The following ATXN10 variants were observed in gnomAD, a reference collection of about 807,000 sequenced individuals.
ATXN10 encodes the protein ataxin-10.
ATXN10 carries 28 observed loss-of-function variants against 52.9 expected under a neutral mutation model. That is an observed-to-expected ratio of 0.53 (90% confidence interval 0.39 to 0.73). The LOEUF is 0.73. ATXN10 is among the 30% of genes least tolerant of loss of function. The pLI, the probability that ATXN10 is intolerant of heterozygous loss-of-function variation, is 0.00. For missense variants in ATXN10, 565 were observed against 577.0 expected, an observed-to-expected ratio of 0.98 and a Z score of 0.21; for synonymous variants, 226 against 221.5, an observed-to-expected ratio of 1.02 and a Z score of -0.18.
At position 45,766,044 on chromosome 22, in the gene ATXN10, C is replaced by T. The variant is rs1380737385; in HGVS notation, c.1173+25506C>T. On this transcript the variant is annotated intron_variant, in intron 9 of 11. Transcript: ENST00000252934. This position sits in a 1 kb window ranked among gnomAD's most constrained non-coding sequence, Gnocchi z 4.6. ...AAGGGGCTGACAGGCTAATGGGGCA[C>T]AGTAGAAAAATGCAGAAATAGATTC... Among the ~76,000 whole-genome samples the T allele has an allele frequency of 6.6e-6, 1 of 152,074 alleles. No homozygotes were observed. Among genetic ancestry groups the T allele is most frequent in the Non-Finnish European group, 1.5e-5 (1 of 68,022 alleles).
Position 45,770,054 on chromosome 22 carries a change from A to G in ATXN10, c.1173+29516A>G, listed in dbSNP as rs780790820. 1.4e-4 allele frequency among the ~76,000 whole-genome samples: 21 copies of G among 152,184 alleles called. No homozygotes were observed. Among genetic ancestry groups the G allele is most frequent in the Admixed American group, 2.6e-4 (4 of 15,284 alleles). On this transcript the variant is annotated intron_variant, in intron 9 of 11. Transcript: ENST00000252934. This position sits in a 1 kb window ranked among gnomAD's most constrained non-coding sequence, Gnocchi z 4.5. ...AAGAAGGGCGGCTTAGGGTTTCTAG[A>G]CCAGTAATGGCTACTGTTTCTTGAG...
intron 9 of ATXN10, among the ~76,000 whole-genome samples, chr22:45,758,812 A>G (rs1926271980): frequency 6.6e-6 from 1 of 152,214 alleles, no homozygotes. Flanking sequence ...TCTCGTTTAT[A>G]ACAGCCTGAG....
In ATXN10 at chr22:45,775,405, G is replaced by A. The variant is rs1003882254; in HGVS notation, c.1174-31554G>A. Among the ~76,000 whole-genome samples the A allele has an allele frequency of 3.9e-5, 6 of 152,166 alleles. No individual in the cohort carries two copies. The highest frequency in any genetic ancestry group is 1.4e-4 in the African/African-American group (6 of 41,434). ...AGTTGGAAAACACAAACATTGTGAG[G>A]GTTTGTAGAACGGGTGGGTGCTTGC... On this transcript the variant is annotated intron_variant, in intron 9 of 11. Coordinates refer to ENST00000252934, the MANE Select transcript of ATXN10 (RefSeq NM_013236.4). This position sits in a 1 kb window ranked among gnomAD's most constrained non-coding sequence, Gnocchi z 4.7.
chr22:45,729,345 A>G (rs1924995159), intron 6 of ATXN10, 80 bp from the exon 7 acceptor site: 1 of 1,405,600 alleles, frequency 7.1e-7, no homozygotes, highest in South Asian at 1.2e-5. Context: ...ATATTCCCTT[A>G]AAGTTGCTTT....
intron 9 of ATXN10, among the ~76,000 whole-genome samples, chr22:45,755,154 C>T (rs1233692684): frequency 6.6e-6 from 1 of 152,202 alleles, no homozygotes; most frequent in African/African-American, 2.4e-5. Flanking sequence ...ACTTCCTGTG[C>T]CTGCACAGTG....
intron 9 of ATXN10, among the ~76,000 whole-genome samples, chr22:45,756,760 T>A (rs958001459): frequency 3.3e-5 from 5 of 152,194 alleles, no homozygotes; most frequent in African/African-American, 1.2e-4. Flanking sequence ...TGCACTTAGC[T>A]CATATTACTC....
At chr22:45,821,633 T>C (rs927655444) in intron 10 of ATXN10, among the ~76,000 whole-genome samples, 2 of 152,196 alleles carry the variant, frequency 1.3e-5, no homozygotes, top group Non-Finnish European at 2.9e-5. Context: ...CCTCATGGTG[T>C]CTTATTTCAT....
At chr22:45,687,717 CT>C (rs761854401) in intron 1 of ATXN10, among the ~76,000 whole-genome samples, 86 of 152,294 alleles carry the variant, frequency 5.6e-4, no homozygotes, top group Non-Finnish European at 1.0e-3. Context: ...ATTTTCTTAG[CT>C]GATGAGTGTC....
rs1923280573 is a variant in ATXN10 at position 45,689,463 on chromosome 22, G to A, written c.117-249G>A. ...ACTTACCTTATCTGTAAATGGAGAG[G>A]ACAGTGTTGGCCTCATAAGGCTGTT... On this transcript the variant is annotated intron_variant, in intron 1 of 11. Coordinates refer to ENST00000252934, the MANE Select transcript of ATXN10 (RefSeq NM_013236.4). 3.4e-5 allele frequency: 18 copies of A among 531,972 alleles called. No individual in the cohort carries two copies. In the South Asian group the frequency reaches 3.5e-4, roughly 10 times the overall value. The allele number at this position is 531,972 out of a possible 1,614,324, so 33.0% of individuals were successfully genotyped here. A position where few individuals can be genotyped will look rare whatever the true frequency, so the allele number is the denominator to read the frequency against.
At chr22:45,829,024 A>G (rs1760596278) in intron 10 of ATXN10, among the ~76,000 whole-genome samples, 1 of 152,218 alleles carries the variant, frequency 6.6e-6, no homozygotes, top group South Asian at 2.1e-4. Flanking sequence ...ATTACACACC[A>G]TGACCAAATG....
At chr22:45,716,830 A>G (rs1379983715) in intron 5 of ATXN10, among the ~76,000 whole-genome samples, 1 of 152,214 alleles carries the variant, frequency 6.6e-6, no homozygotes, top group African/African-American at 2.4e-5. Context: ...ATCTTTGACC[A>G]ACAAAATTGA....
Position 45,732,198 on chromosome 22 carries a change from T to A in ATXN10, c.894+2608T>A, listed in dbSNP as rs970689119. On this transcript the variant is annotated intron_variant, in intron 7 of 11. Transcript: ENST00000252934. The surrounding 1 kb of genome is among the most constrained non-coding windows in gnomAD (Gnocchi z 4.5). ...TGGGAACAGTGGCTCATGCCCGTAA[T>A]CCCAATACTTTGGGACGCCAAGGCG... 6.6e-6 allele frequency among the ~76,000 whole-genome samples: 1 copy of A among 152,126 alleles called. No homozygotes were observed. The highest frequency in any genetic ancestry group is 6.5e-5 in the Admixed American group (1 of 15,274).
Position 45,740,727 on chromosome 22 carries a change from T to C in ATXN10, c.1173+189T>C, listed in dbSNP as rs9614770. ...ACACACACACACACACACATATATA[T>C]ACACACACACACGTGTGTGTGTGTG... On this transcript the variant is annotated intron_variant, in intron 9 of 11. Transcript: ENST00000252934. 8.1e-4 allele frequency: 306 copies of C among 379,932 alleles called. 3 individuals are homozygous for C. The highest frequency in any genetic ancestry group is 7.4e-3 in the African/African-American group (267 of 36,190). 23.5% of individuals were successfully genotyped at this position (379,932 alleles called of 1,614,324 possible).
rs1173107333 is a variant in ATXN10 at position 45,828,081 on chromosome 22, T to C, written c.1238-14910T>C. Among the ~76,000 whole-genome samples, 3 of 152,142 alleles carry C rather than the reference T, an allele frequency of 2.0e-5. No individual in the cohort carries two copies. Among genetic ancestry groups the C allele is most frequent in the Non-Finnish European group, 4.4e-5 (3 of 68,044 alleles). On this transcript the variant is annotated intron_variant, in intron 10 of 11. Transcript: ENST00000252934. This position sits in a 1 kb window ranked among gnomAD's most constrained non-coding sequence, Gnocchi z 4.5. Reference sequence around the variant, plus strand: ...ATACTTAGAGGTCAGCTGGGTGCAGTGGCTCATACCTGTAATCCCAGCAGT... The same window carrying C: ...ATACTTAGAGGTCAGCTGGGTGCAGCGGCTCATACCTGTAATCCCAGCAGT...
intron 9 of ATXN10, among the ~76,000 whole-genome samples, chr22:45,749,868 A>G (rs960167199): frequency 2.0e-5 from 3 of 151,922 alleles, no homozygotes; most frequent in Admixed American, 6.6e-5. Flanking sequence ...ACCTGGCCTG[A>G]ATATGGTTTC....
intron 1 of ATXN10, among the ~76,000 whole-genome samples, chr22:45,689,035 G>T (rs948299212): frequency 2.0e-5 from 3 of 151,992 alleles, no homozygotes; most frequent in South Asian, 2.1e-4. Context: ...TTTCTCCCTG[G>T]GCATACATTC....
chr22:45,751,763 A>ATAATAATAATAAT (rs1555892689), intron 9 of ATXN10, among the ~76,000 whole-genome samples: 1 of 66,630 alleles, frequency 1.5e-5, no homozygotes, highest in Non-Finnish European at 2.9e-5. Flanking sequence ...AATAAAAAAA[A>ATAATAATAATAAT]AATAATAATA....
rs1302238918 is a variant in ATXN10, at chr22:45,816,630, G to C, written c.1237+9608G>C. On this transcript the variant is annotated intron_variant, in intron 10 of 11. Coordinates refer to ENST00000252934, the MANE Select transcript of ATXN10 (RefSeq NM_013236.4). The surrounding 1 kb of genome is among the most constrained non-coding windows in gnomAD (Gnocchi z 5.8). ...CAACATTGGACCCTGTGAACCCAGG[G>C]GACTGTTTCCAAAATGTGCTCCAAA... 6.6e-6 allele frequency among the ~76,000 whole-genome samples: 1 copy of C among 152,160 alleles called. No homozygotes were observed. The highest frequency in any genetic ancestry group is 1.5e-5 in the Non-Finnish European group (1 of 68,024).
chr22:45,793,830 G>A (rs1927609070), intron 9 of ATXN10: 1 of 1,303,462 alleles, frequency 7.7e-7, no homozygotes, highest in Non-Finnish European at 9.8e-7. Context: ...CTTTGCCCGG[G>A]AAATAATTCA....
Sources: allele counts gnomAD v4.1 joint callset (sites outside exome capture counted in the v4.1 genomes callset), GRCh38; gene constraint gnomAD v4.1.1; non-coding constraint Gnocchi (gnomAD v3.1); transcripts MANE v1.5; gene names NCBI Gene and HGNC (gene_info 2026-07-23, HGNC 2026-07-21).